Variants in LGSN observed in about 807,000 individuals in gnomAD.
LGSN encodes lengsin, lens protein with glutamine synthetase domain, also known as lengsin.
Under a neutral mutation model 19.5 loss-of-function variants are expected in LGSN, and 21 were observed. The observed-to-expected ratio is 1.07, with a 90% CI of 0.76 to 1.55. The LOEUF is 1.55. Ranked by LOEUF, LGSN falls within the 40% of genes most tolerant of loss-of-function variation. LGSN has a pLI of 0.00. For missense variants in LGSN, 673 were observed against 608.5 expected (o/e 1.11, Z -1.12); for synonymous variants, 257 against 215.6 (o/e 1.19, Z -1.68).
intron 2 of LGSN, among the ~76,000 whole-genome samples, chr6:63,290,956 C>T (rs1767744134): frequency 6.6e-6 from 1 of 152,212 alleles, no homozygotes; most frequent in African/African-American, 2.4e-5. Context: ...CAACAGCCGC[C>T]TGATGTTCAG....
chr6:63,566,059 T>C, the LGSN span, among the ~76,000 whole-genome samples: 1 of 152,236 alleles, frequency 6.6e-6, no homozygotes, highest in Non-Finnish European at 1.5e-5. Context: ...TTGTTGTCTG[T>C]TAAATGTGCA....
chr6:63,398,243 G>A, the LGSN span, among the ~76,000 whole-genome samples: 1 of 144,806 alleles, frequency 6.9e-6, no homozygotes, highest in Non-Finnish European at 1.5e-5. Flanking sequence ...CTATAAAACA[G>A]ATTCAGGCAG....
At chr6:63,549,589 T>C in the LGSN span, 2 of 600,304 alleles carry the variant, frequency 3.3e-6, no homozygotes, top group African/African-American at 1.9e-5. Flanking sequence ...AAGAAAACCT[T>C]TATGTGATAT....
chr6:63,474,608 CAAAA>C, the LGSN span, among the ~76,000 whole-genome samples: 6 of 118,380 alleles, frequency 5.1e-5, no homozygotes, highest in Admixed American at 1.8e-4. Flanking sequence ...GACTCCATCT[CAAAA>C]AAAAAAAAAA....
At chr6:63,459,080 T>C in the LGSN span, among the ~76,000 whole-genome samples, 1 of 152,234 alleles carries the variant, frequency 6.6e-6, no homozygotes, top group African/African-American at 2.4e-5. Context: ...AGATTTTACC[T>C]GAAAGACCAA....
At chr6:63,448,489 C>T in the LGSN span, among the ~76,000 whole-genome samples, 517 of 152,054 alleles carry the variant, frequency 3.4e-3, 3 homozygotes, top group Non-Finnish European at 4.1e-3. Flanking sequence ...AACAAGCTAT[C>T]ACGGAGGGTG....
chr6:63,494,014 A>G, the LGSN span, among the ~76,000 whole-genome samples: 84 of 151,184 alleles, frequency 5.6e-4, no homozygotes, highest in African/African-American at 2.0e-3. Flanking sequence ...CAGTGGCTCA[A>G]TCTTGGCTCA....
At chr6:63,470,534 T>C in the LGSN span, among the ~76,000 whole-genome samples, 3 of 151,900 alleles carry the variant, frequency 2.0e-5, no homozygotes, top group Admixed American at 6.6e-5. Flanking sequence ...GGGAGATACA[T>C]AAATATATAT....
At chr6:63,394,853 A>G in the LGSN span, among the ~76,000 whole-genome samples, 1 of 152,190 alleles carries the variant, frequency 6.6e-6, no homozygotes, top group Non-Finnish European at 1.5e-5. Flanking sequence ...GCTCAGGAAG[A>G]CTTGCAGGAG....
the LGSN span, among the ~76,000 whole-genome samples, chr6:63,434,492 C>T: frequency 1.3e-5 from 2 of 149,164 alleles, no homozygotes; most frequent in African/African-American, 4.9e-5. Context: ...GGTGCCGTGG[C>T]TCACGTCTGT....
the LGSN span, among the ~76,000 whole-genome samples, chr6:63,446,324 C>A: frequency 6.6e-6 from 1 of 151,054 alleles, no homozygotes; most frequent in African/African-American, 2.4e-5. Flanking sequence ...CTCCCCATCA[C>A]TCTGCCCAGG....
chr6:63,444,820 T>C, the LGSN span, among the ~76,000 whole-genome samples: 1 of 152,194 alleles, frequency 6.6e-6, no homozygotes, highest in African/African-American at 2.4e-5. Flanking sequence ...GGAGCCTTTT[T>C]TCCCAGGCCC....
At chr6:63,468,630 G>T in the LGSN span, among the ~76,000 whole-genome samples, 1 of 151,690 alleles carries the variant, frequency 6.6e-6, no homozygotes, top group Non-Finnish European at 1.5e-5. Context: ...GTTTCATTAC[G>T]TTGGTCAGGC....
At chr6:63,476,618 T>C in the LGSN span, among the ~76,000 whole-genome samples, 3 of 152,196 alleles carry the variant, frequency 2.0e-5, no homozygotes, top group Non-Finnish European at 2.9e-5. Context: ...TTTCTCCATG[T>C]GGCTGGGTCT....
the LGSN span, among the ~76,000 whole-genome samples, chr6:63,465,250 G>A: frequency 1.3e-5 from 2 of 151,876 alleles, no homozygotes; most frequent in Admixed American, 6.6e-5. Context: ...GCTCCATCTC[G>A]GCTCGCTGCA....
chr6:63,411,901 T>G, the LGSN span, among the ~76,000 whole-genome samples: 1 of 152,160 alleles, frequency 6.6e-6, no homozygotes, highest in Non-Finnish European at 1.5e-5. Flanking sequence ...TGTGCAAGTA[T>G]TCAATGAACA....
the LGSN span, among the ~76,000 whole-genome samples, chr6:63,327,901 T>C: frequency 6.6e-6 from 1 of 152,158 alleles, no homozygotes; most frequent in South Asian, 2.1e-4. Context: ...GCTTTGGTAG[T>C]GTAAGACTCC....
At chr6:63,370,420 G>A in the LGSN span, among the ~76,000 whole-genome samples, 1 of 152,188 alleles carries the variant, frequency 6.6e-6, no homozygotes, top group Admixed American at 6.5e-5. Flanking sequence ...TACAACCAGG[G>A]CAGTTACACG....
the LGSN span, among the ~76,000 whole-genome samples, chr6:63,554,008 A>G: frequency 6.6e-6 from 1 of 152,218 alleles, no homozygotes; most frequent in Non-Finnish European, 1.5e-5. Flanking sequence ...TCCAATTACC[A>G]GTCTAGAAAT....
Sources: gnomAD v4.1 joint callset for allele counts (sites outside exome capture counted in the v4.1 genomes callset) on GRCh38, gnomAD v4.1.1 for gene constraint, MANE v1.5 for transcripts, NCBI Gene and HGNC (gene_info 2026-07-23, HGNC 2026-07-21) for gene names.